The following CABIN1 variants were observed in gnomAD, a reference collection of about 807,000 sequenced individuals.
CABIN1 encodes calcineurin-binding protein cabin-1.
A neutral mutation model predicts 227.7 loss-of-function variants in CABIN1; 133 were observed. The observed-to-expected ratio is 0.58, with a 90% CI of 0.51 to 0.67. The LOEUF (loss-of-function observed/expected upper bound fraction) is 0.67. Ranked by LOEUF, CABIN1 falls within the 30% of genes least tolerant of loss-of-function variation. CABIN1 has a pLI of 0.00. For missense variants in CABIN1, 2,408 were observed against 2,852.5 expected (o/e 0.84, Z 3.55); for synonymous variants, 1,086 against 1,155.1 (o/e 0.94, Z 1.21).
At chr22:24,042,684 G>C (rs868716156) in intron 5 of CABIN1, among the ~76,000 whole-genome samples, 1 of 152,262 alleles carries the variant, frequency 6.6e-6, no homozygotes, top group South Asian at 2.1e-4. Context: ...GCGACTCCAG[G>C]AAAGATGAGC....
chr22:24,114,210 G>A (rs1364827940), intron 27 of CABIN1, among the ~76,000 whole-genome samples: 2 of 152,226 alleles, frequency 1.3e-5, no homozygotes, highest in Non-Finnish European at 2.9e-5. Context: ...GGGGCAGAGA[G>A]CCCTGATTTA....
At chr22:24,056,485 C>A in intron 10 of CABIN1, 125 bp downstream of exon 10, 1 of 977,604 alleles carries the variant, frequency 1.0e-6, no homozygotes, top group Admixed American at 2.0e-5. Flanking sequence ...CCCATAACAT[C>A]TGTGCAGATG....
Position 24,055,062 on chromosome 22 carries a change from T to C in CABIN1, c.996T>C (p.Ala332=), listed in dbSNP as rs1384153741. ...IQPSTVSTNP[A]VAVAEPVVSY... is the part of the protein sequence containing the mutation. The stretch of plus-strand genomic sequence containing the variant: ...CAAGCACTGTCAGCACCAACCCAGC[T>C]GTGGCTGTCGCCGAGCCTGTGGTCT... The change falls in exon 9 of 37, where the codon GCT becomes GCC. Residue 332 remains alanine, a synonymous_variant. Transcript: ENST00000263119. 9 of 1,614,156 alleles carry C rather than the reference T, an allele frequency of 5.6e-6. No individual in the cohort carries two copies. Among genetic ancestry groups the C allele is most frequent in the South Asian group, 1.1e-5 (1 of 91,096 alleles).
At chr22:24,095,810 A>T in intron 24 of CABIN1, 121 bp from the exon 25 acceptor site, 1 of 1,034,952 alleles carries the variant, frequency 9.7e-7, no homozygotes. Context: ...TAACAAAAAC[A>T]AGCAGTGTGT....
chr22:24,051,654 C>T (rs1226687359), intron 8 of CABIN1, among the ~76,000 whole-genome samples: 1 of 152,176 alleles, frequency 6.6e-6, no homozygotes, highest in Non-Finnish European at 1.5e-5. Context: ...TGTCTGCCTA[C>T]TCTGAGGGAG....
In CABIN1 at chr22:24,064,088, GA is replaced by G. The variant is rs1326623682; in HGVS notation, c.1939del (p.Ser647ValfsTer38). On this transcript the variant is annotated frameshift_variant, in exon 15 of 37. Transcript: ENST00000263119. LOFTEE classifies it high-confidence loss of function. ...NYDICTEMLQ[S>X]STAIQVEAGA... ...ATGACATCTGCACAGAAATGCTCCAGAGTTCCACCGCCATCCAGGTGGAGGC... is the reference window on the plus strand; with the variant it reads ...ATGACATCTGCACAGAAATGCTCCAGGTTCCACCGCCATCCAGGTGGAGGC... 6.2e-7 allele frequency: 1 copy of G among 1,614,100 alleles called. No homozygotes were observed. Among genetic ancestry groups the G allele is most frequent in the Non-Finnish European group, 8.5e-7 (1 of 1,180,042 alleles).
At chr22:24,121,704 CTT>C (rs1569246400) in intron 28 of CABIN1, among the ~76,000 whole-genome samples, 1 of 152,336 alleles carries the variant, frequency 6.6e-6, no homozygotes, top group South Asian at 2.1e-4. Context: ...CCCTTTCCCT[CTT>C]TTGGGAGCAG....
intron 29 of CABIN1, among the ~76,000 whole-genome samples, chr22:24,158,627 G>A (rs925425276): frequency 2.0e-5 from 3 of 152,128 alleles, no homozygotes; most frequent in Non-Finnish European, 4.4e-5. Flanking sequence ...TGACTCGGCT[G>A]CCCATTTCCT....
chr22:24,101,805 A>C (rs1350364160), intron 26 of CABIN1: 1 of 152,166 alleles, frequency 6.6e-6, no homozygotes, highest in South Asian at 2.1e-4. Flanking sequence ...ATATTCAAGC[A>C]ACATAAGGAG....
intron 27 of CABIN1, among the ~76,000 whole-genome samples, chr22:24,114,232 G>T (rs17641238): frequency 0.037 from 5,587 of 152,316 alleles, 154 homozygotes; most frequent in Non-Finnish European, 0.055. Flanking sequence ...GCCTGGGGGT[G>T]TGCCCAACTC....
chr22:24,016,515 G>A (rs1386020274), intron 1 of CABIN1, among the ~76,000 whole-genome samples: 3 of 152,188 alleles, frequency 2.0e-5, no homozygotes, highest in Admixed American at 1.3e-4. Context: ...ACCATAGTAC[G>A]TTATAATAGT....
chr22:24,063,380 T>C (rs13058260), intron 14 of CABIN1, among the ~76,000 whole-genome samples: 2,912 of 152,298 alleles, frequency 0.019, 36 homozygotes, highest in South Asian at 0.036. Context: ...TAAAGCTCTT[T>C]AGCATAACCA....
At chr22:24,139,403 T>C (rs1235551471) in intron 29 of CABIN1, among the ~76,000 whole-genome samples, 2 of 152,212 alleles carry the variant, frequency 1.3e-5, no homozygotes, top group African/African-American at 4.8e-5. Flanking sequence ...CCATCTCTAC[T>C]AAAAATACAA....
chr22:24,054,593 C>G (rs569757969), intron 8 of CABIN1, among the ~76,000 whole-genome samples: 6 of 152,300 alleles, frequency 3.9e-5, no homozygotes, highest in African/African-American at 1.4e-4. Context: ...TCTGAAAGTG[C>G]CTCAGGCCAA....
At position 24,178,520 on chromosome 22, in the gene CABIN1, G is replaced by C. The variant is rs868136991; in HGVS notation, c.*324G>C. 2.6e-5 allele frequency: 10 copies of C among 391,956 alleles called. No homozygotes were observed. Among genetic ancestry groups the C allele is most frequent in the Non-Finnish European group, 4.8e-5 (10 of 206,288 alleles). 24.3% of individuals were successfully genotyped at this position (391,956 alleles called of 1,614,324 possible). A position where few individuals can be genotyped will look rare whatever the true frequency, so the allele number is the denominator to read the frequency against. On this transcript the variant is annotated 3_prime_UTR_variant, in exon 37 of 37. Coordinates refer to ENST00000263119, the MANE Select transcript of CABIN1 (RefSeq NM_012295.4). ...ACCCAGCTGGCCATATCCACCCCTCGACGCCGGGATGAGCCGGCTCTGCCT... is the reference window on the plus strand; with the variant it reads ...ACCCAGCTGGCCATATCCACCCCTCCACGCCGGGATGAGCCGGCTCTGCCT...
intron 19 of CABIN1, among the ~76,000 whole-genome samples, chr22:24,079,763 A>AT: frequency 6.6e-6 from 1 of 151,720 alleles, no homozygotes; most frequent in East Asian, 1.9e-4. Context: ...TCTTTTTCCT[A>AT]TTGATTTGCA....
At chr22:24,099,667 C>G (rs781167067) in intron 26 of CABIN1, among the ~76,000 whole-genome samples, 1 of 152,226 alleles carries the variant, frequency 6.6e-6, no homozygotes, top group African/African-American at 2.4e-5. Context: ...GCAGCAAACC[C>G]CTTCTCAGGG....
At chr22:24,039,114 A>G (rs1326068130) in intron 4 of CABIN1, among the ~76,000 whole-genome samples, 1 of 152,096 alleles carries the variant, frequency 6.6e-6, no homozygotes, top group African/African-American at 2.4e-5. Flanking sequence ...CCTGAAATTG[A>G]TTTAGGAAGG....
chr22:24,019,807 G>C (rs143399018), intron 1 of CABIN1, among the ~76,000 whole-genome samples: 117 of 151,806 alleles, frequency 7.7e-4, no homozygotes, highest in African/African-American at 2.7e-3. Flanking sequence ...ACAGGCATGC[G>C]CCACCATGCC....
Sources: gnomAD v4.1 joint callset for allele counts (sites outside exome capture counted in the v4.1 genomes callset) on GRCh38, gnomAD v4.1.1 for gene constraint, MANE v1.5 for transcripts, NCBI Gene and HGNC (gene_info 2026-07-23, HGNC 2026-07-21) for gene names.